LRRC63: variants seen among roughly 807,000 people sequenced by gnomAD.
The protein encoded by LRRC63 is leucine rich repeat containing 63, also known as leucine-rich repeat-containing protein 63.
In LRRC63, 40 loss-of-function variants were observed where a neutral mutation model predicts 49.5. The ratio of observed to expected loss-of-function variants is 0.81; its 90% CI spans 0.63 to 1.05. The LOEUF is 1.05. LRRC63 is among the 50% of genes least tolerant of loss of function. The pLI, the probability that LRRC63 is intolerant of heterozygous loss-of-function variation, is 0.00. For missense variants in LRRC63, 636 were observed against 663.1 expected, an observed-to-expected ratio of 0.96 and a Z score of 0.45; for synonymous variants, 191 against 221.1, an observed-to-expected ratio of 0.86 and a Z score of 1.21.
intron 8 of LRRC63, among the ~76,000 whole-genome samples, chr13:46,265,767 C>A (rs753187777): frequency 2.0e-5 from 3 of 152,214 alleles, no homozygotes; most frequent in Non-Finnish European, 4.4e-5. Flanking sequence ...GGTGACCATG[C>A]CAGCTCTCTC....
chr13:46,244,825 A>G (rs578129984), intron 5 of LRRC63, among the ~76,000 whole-genome samples: 13 of 152,200 alleles, frequency 8.5e-5, no homozygotes, highest in Non-Finnish European at 1.6e-4. Context: ...CAAACAGAAA[A>G]CAAGTACCAA....
chr13:46,258,533 G>GTC (rs1238789072), intron 7 of LRRC63, among the ~76,000 whole-genome samples: 1 of 151,160 alleles, frequency 6.6e-6, no homozygotes. Flanking sequence ...AAATTGGCTG[G>GTC]GCATGGTGGC....
chr13:46,258,510 A>G (rs2047556307), intron 7 of LRRC63, among the ~76,000 whole-genome samples: 1 of 151,340 alleles, frequency 6.6e-6, no homozygotes, highest in South Asian at 2.1e-4. Context: ...AAAATTAGGT[A>G]AGAAAATCTT....
chr13:46,223,298 T>G (rs1359952135), intron 2 of LRRC63, among the ~76,000 whole-genome samples: 1 of 152,106 alleles, frequency 6.6e-6, no homozygotes, highest in African/African-American at 2.4e-5. Flanking sequence ...TGAAGATCAG[T>G]TGGCTGTAAG....
Position 46,229,937 on chromosome 13 carries a change from C to A in LRRC63, c.832+1204C>A, listed in dbSNP as rs148292307. Among the ~76,000 whole-genome samples, 3 of 152,230 alleles carry A rather than the reference C, an allele frequency of 2.0e-5. No homozygotes were observed. The East Asian group carries it at 5.8e-4, about 29-fold the overall frequency. ...CAGCAAAGTGGGAGCTTGAACATCACATGATGAGAGCGGGAGCAAGAGAGA... is the reference window on the plus strand; with the variant it reads ...CAGCAAAGTGGGAGCTTGAACATCAAATGATGAGAGCGGGAGCAAGAGAGA... On this transcript the variant is annotated intron_variant, in intron 4 of 9. Transcript: ENST00000595396.
At chr13:46,236,401 A>G (rs1449504794) in intron 5 of LRRC63, among the ~76,000 whole-genome samples, 1 of 152,184 alleles carries the variant, frequency 6.6e-6, no homozygotes, top group Non-Finnish European at 1.5e-5. Context: ...CCAAAGTCAA[A>G]GAAAGAATCT....
At chr13:46,228,859 T>A in intron 4 of LRRC63, 126 bp downstream of exon 4, 2 of 622,482 alleles carry the variant, frequency 3.2e-6, no homozygotes, top group Non-Finnish European at 5.7e-6. Context: ...ATGTCTTACC[T>A]CATTTTCAGC....
exon 3 of LRRC63, chr13:46,227,910 A>G (rs1193220805): frequency 6.4e-7 from 1 of 1,550,548 alleles, no homozygotes; most frequent in South Asian, 1.2e-5. Flanking sequence ...ACCTAAAAGT[A>G]CTCCTGGCTC....
chr13:46,231,782 A>C (rs1013097768), intron 4 of LRRC63, among the ~76,000 whole-genome samples: 1 of 151,128 alleles, frequency 6.6e-6, no homozygotes, highest in Non-Finnish European at 1.5e-5. Context: ...CTGGGATTAC[A>C]GATGTGAGCC....
intron 2 of LRRC63, among the ~76,000 whole-genome samples, chr13:46,225,511 A>T (rs1350255293): frequency 3.9e-5 from 6 of 152,278 alleles, no homozygotes; most frequent in African/African-American, 1.4e-4. Context: ...ATGAGTATAA[A>T]TTACTCCAGT....
rs1555330209 is a variant in LRRC63 at position 46,271,737 on chromosome 13, A to AAC, written c.1550+4765_1550+4766insAC. 4.8e-4 allele frequency among the ~76,000 whole-genome samples: 73 copies of AAC among 150,822 alleles called. 1 individual carries two copies. The highest frequency in any genetic ancestry group is 1.7e-3 in the African/African-American group (70 of 40,984). On this transcript the variant is annotated intron_variant, in intron 9 of 9. Transcript: ENST00000595396. Reference sequence around the variant, plus strand: ...CATTTAAACTAAAAAAAAAAAAAAAACTCCAACAACTATGAATTTATAGTT... The same window carrying AAC: ...CATTTAAACTAAAAAAAAAAAAAAAAACCTCCAACAACTATGAATTTATAGTT...
chr13:46,275,413 T>C (rs2047821017), intron 9 of LRRC63, among the ~76,000 whole-genome samples: 1 of 152,180 alleles, frequency 6.6e-6, no homozygotes, highest in Non-Finnish European at 1.5e-5. Flanking sequence ...TTCTGATGGC[T>C]GTACTAATTT....
At chr13:46,269,787 AAT>A (rs1037120184) in intron 9 of LRRC63, among the ~76,000 whole-genome samples, 63 of 148,102 alleles carry the variant, frequency 4.3e-4, no homozygotes, top group East Asian at 2.9e-3. Context: ...ATAGTTGAAT[AAT>A]ATATATATAT....
intron 9 of LRRC63, among the ~76,000 whole-genome samples, chr13:46,269,237 G>C (rs2047722882): frequency 6.7e-6 from 1 of 149,178 alleles, no homozygotes; most frequent in Non-Finnish European, 1.5e-5. Context: ...TAACATAAAA[G>C]CCTTGCCCAC....
At chr13:46,245,590 A>G (rs2047191484) in intron 5 of LRRC63, among the ~76,000 whole-genome samples, 1 of 152,154 alleles carries the variant, frequency 6.6e-6, no homozygotes, top group Admixed American at 6.5e-5. Flanking sequence ...TTAAATATTA[A>G]AAAGCACTAA....
At chr13:46,233,710 A>G (rs558066047) in intron 4 of LRRC63, among the ~76,000 whole-genome samples, 2 of 152,314 alleles carry the variant, frequency 1.3e-5, no homozygotes, top group African/African-American at 2.4e-5. Context: ...TGGGGGATCT[A>G]CAAACTAAAG....
intron 6 of LRRC63, among the ~76,000 whole-genome samples, chr13:46,247,000 GATAAA>G (rs1280253946): frequency 6.6e-6 from 1 of 152,046 alleles, no homozygotes; most frequent in Non-Finnish European, 1.5e-5. Context: ...ATTACCAAAC[GATAAA>G]ATATAATATT....
intron 7 of LRRC63, among the ~76,000 whole-genome samples, chr13:46,254,224 G>C (rs2047453568): frequency 6.6e-6 from 1 of 152,126 alleles, no homozygotes; most frequent in South Asian, 2.1e-4. Context: ...ATTCTTTGTA[G>C]AGCTTTAGAT....
intron 9 of LRRC63, among the ~76,000 whole-genome samples, chr13:46,275,145 C>T (rs2047816285): frequency 6.6e-6 from 1 of 152,170 alleles, no homozygotes; most frequent in African/African-American, 2.4e-5. Context: ...CCACAAATGA[C>T]AAGATTTTAT....
Sources: allele counts gnomAD v4.1 joint callset (sites outside exome capture counted in the v4.1 genomes callset), GRCh38; gene constraint gnomAD v4.1.1; transcripts MANE v1.5; gene names NCBI Gene and HGNC (gene_info 2026-07-23, HGNC 2026-07-21).